The following MIA2 variants were observed in gnomAD, a reference collection of about 807,000 sequenced individuals.
MIA2 encodes MIA SH3 domain ER export factor 2, also known as melanoma inhibitory activity protein 2.
MIA2 carries 127 observed loss-of-function variants against 167.8 expected under a neutral mutation model. The observed-to-expected ratio is 0.76, with a 90% CI of 0.66 to 0.88. MIA2 has a LOEUF of 0.88. MIA2 is among the 40% of genes least tolerant of loss of function. MIA2 has a pLI of 0.00. For synonymous variants in MIA2, 552 were observed against 541.9 expected (o/e 1.02, Z -0.26); for missense variants, 1,690 against 1,624.7 (o/e 1.04, Z -0.69).
chr14:39,304,329 C>G lies in MIA2; in HGVS notation c.2826C>G (p.Asn942Lys), dbSNP rs867660583. The G allele has an allele frequency of 5.7e-6, 9 of 1,574,150 alleles. No homozygotes were observed. In the Middle Eastern group the frequency reaches 1.0e-3, roughly 181 times the overall value. ...TAAAAACCTTAGAAGGAGAAAGAAA[C>G]CAAATTTATATTCAGTTGTCTGAAG... ...ASLKTLEGERNQIYIQLSEVD... is the reference protein window; with the variant it reads ...ASLKTLEGERKQIYIQLSEVD... The change falls in exon 17 of 29, where the codon AAC becomes AAG. Residue 942 changes from asparagine (N) to lysine (K), a missense_variant. Coordinates refer to ENST00000640607, the MANE Select transcript of MIA2 (RefSeq NM_001329214.4).
chr14:39,358,723 G>A (rs1244567722), intron 23 of MIA2, among the ~76,000 whole-genome samples: 1 of 152,148 alleles, frequency 6.6e-6, no homozygotes, highest in Non-Finnish European at 1.5e-5. Context: ...TGTACAGATG[G>A]GGTTTTGGTG....
At chr14:39,387,908 T>A (rs1191260589) in exon 24 of MIA2, 2 of 152,236 alleles carry the variant, frequency 1.3e-5, no homozygotes, top group African/African-American at 4.8e-5. Context: ...TAGCATTTTT[T>A]AGCAATATTT....
At chr14:39,328,117 C>A (rs1057286766) in intron 25 of MIA2, among the ~76,000 whole-genome samples, 1 of 152,314 alleles carries the variant, frequency 6.6e-6, no homozygotes, top group African/African-American at 2.4e-5. Context: ...TCTTCACATC[C>A]TCTGCAGCAT....
At chr14:39,377,320 A>G (rs991603954) in intron 23 of MIA2, among the ~76,000 whole-genome samples, 5 of 152,094 alleles carry the variant, frequency 3.3e-5, no homozygotes, top group African/African-American at 1.2e-4. Flanking sequence ...AGGTATGAAA[A>G]TGGTTTATGT....
At chr14:39,281,307 T>C (rs962843350) in intron 9 of MIA2, among the ~76,000 whole-genome samples, 2 of 152,198 alleles carry the variant, frequency 1.3e-5, no homozygotes, top group African/African-American at 4.8e-5. Flanking sequence ...TCTGGGACTA[T>C]AAAAATGGGT....
intron 25 of MIA2, among the ~76,000 whole-genome samples, chr14:39,344,932 CT>C (rs1479353028): frequency 6.6e-6 from 1 of 152,150 alleles, no homozygotes; most frequent in Non-Finnish European, 1.5e-5. Context: ...TAAATCACCC[CT>C]GGGGACAAAG....
chr14:39,306,515 T>G (rs1205873835), intron 17 of MIA2, among the ~76,000 whole-genome samples: 1 of 152,110 alleles, frequency 6.6e-6, no homozygotes, highest in Non-Finnish European at 1.5e-5. Context: ...AGGATGGTGA[T>G]AAACCATTAG....
At chr14:39,356,170 A>T (rs1046250472), downstream of MIA2, among the ~76,000 whole-genome samples, 6 of 151,372 alleles carry the variant, frequency 4.0e-5, no homozygotes, top group African/African-American at 1.2e-4. Context: ...TCGGCTGTGA[A>T]TCCATCTGGT....
intron 9 of MIA2, among the ~76,000 whole-genome samples, chr14:39,280,170 T>C (rs747259709): frequency 6.6e-6 from 1 of 152,200 alleles, no homozygotes; most frequent in Non-Finnish European, 1.5e-5. Context: ...ACTGAATATA[T>C]GTGAGTCTGT....
chr14:39,341,398 G>A (rs1013979717), intron 25 of MIA2, among the ~76,000 whole-genome samples: 2 of 152,168 alleles, frequency 1.3e-5, no homozygotes, highest in African/African-American at 4.8e-5. Context: ...GCTAGAAGGG[G>A]AAATTAATGA....
chr14:39,319,078 A>G (rs2065963683), intron 22 of MIA2, 131 bp from the exon 23 acceptor site: 1 of 452,076 alleles, frequency 2.2e-6, no homozygotes, highest in South Asian at 6.4e-5. Context: ...GGTCAGAATA[A>G]TTTTAGAGGA....
At chr14:39,297,666 C>CGGGT (rs1555375078) in intron 13 of MIA2, among the ~76,000 whole-genome samples, 1 of 140,074 alleles carries the variant, frequency 7.1e-6, no homozygotes, top group Non-Finnish European at 1.5e-5. Flanking sequence ...TAGGGTTTTG[C>CGGGT]GTGTGTGTGT....
chr14:39,351,554 A>G (rs1341171501), downstream of MIA2, among the ~76,000 whole-genome samples: 1 of 152,180 alleles, frequency 6.6e-6, no homozygotes, highest in Non-Finnish European at 1.5e-5. Context: ...GTGATGTATT[A>G]GGAAGTAGCC....
In MIA2 at chr14:39,304,976, T is replaced by C. The variant is rs575547890; in HGVS notation, c.2878+595T>C. ...TCTCATTTTGTAAAAATAAAAAATA[T>C]AAAGATTTACCATATGCGTTTGCAT... On this transcript the variant is annotated intron_variant, in intron 17 of 28. Coordinates refer to ENST00000640607, the MANE Select transcript of MIA2 (RefSeq NM_001329214.4). Among the ~76,000 whole-genome samples, 5 of 152,272 alleles carry C rather than the reference T, an allele frequency of 3.3e-5. No homozygotes were observed. In the East Asian group the frequency reaches 7.7e-4, roughly 23 times the overall value.
At chr14:39,309,481 T>C (rs2063863586) in intron 18 of MIA2, among the ~76,000 whole-genome samples, 1 of 152,214 alleles carries the variant, frequency 6.6e-6, no homozygotes, top group Admixed American at 6.5e-5. Flanking sequence ...TTAGGGTCTT[T>C]TGTGCTTGTT....
chr14:39,321,409 G>T (rs1190750760), intron 24 of MIA2, among the ~76,000 whole-genome samples: 3 of 152,034 alleles, frequency 2.0e-5, no homozygotes, highest in African/African-American at 7.2e-5. Context: ...CACCTCCCAG[G>T]TTCACGCCAT....
intron 7 of MIA2, among the ~76,000 whole-genome samples, chr14:39,277,692 GTA>G (rs1205916344): frequency 0.029 from 125 of 4,342 alleles, 20 homozygotes; most frequent in Non-Finnish European, 0.041. Context: ...ATATATGTGT[GTA>G]TATATATATA....
intron 23 of MIA2, among the ~76,000 whole-genome samples, chr14:39,362,685 T>C (rs1241118272): frequency 6.6e-6 from 1 of 152,206 alleles, no homozygotes; most frequent in Non-Finnish European, 1.5e-5. Context: ...TTTTGTTTAG[T>C]TCTGCTCTGA....
chr14:39,301,019 C>CGTATAT (rs2062382191), intron 14 of MIA2, among the ~76,000 whole-genome samples: 1 of 141,442 alleles, frequency 7.1e-6, no homozygotes, highest in African/African-American at 2.8e-5. Context: ...CACATATATA[C>CGTATAT]ACACATATAT....
Sources: allele counts gnomAD v4.1 joint callset (sites outside exome capture counted in the v4.1 genomes callset), GRCh38; gene constraint gnomAD v4.1.1; transcripts MANE v1.5; gene names NCBI Gene and HGNC (gene_info 2026-07-23, HGNC 2026-07-21).